ZSWIM6: variants seen among roughly 807,000 people sequenced by gnomAD.
ZSWIM6 encodes zinc finger SWIM domain-containing protein 6.
ZSWIM6 carries 9 observed loss-of-function variants against 113.2 expected under a neutral mutation model. That is an observed-to-expected ratio of 0.08 (90% CI 0.05 to 0.14). The LOEUF is 0.14. ZSWIM6 is among the 10% of genes least tolerant of loss of function. The probability of loss-of-function intolerance (pLI) is 1.00; values close to 1 mark genes in which losing one functional copy is unlikely to be tolerated. For synonymous variants in ZSWIM6, 611 were observed against 606.5 expected (o/e 1.01, Z -0.11); for missense variants, 1,162 against 1,552.2 (o/e 0.75, Z 4.22).
intron 1 of ZSWIM6, among the ~76,000 whole-genome samples, chr5:61,348,003 C>T (rs977783771): frequency 9.9e-5 from 15 of 152,210 alleles, no homozygotes; most frequent in East Asian, 5.8e-4. Context: ...GGGTGGATCA[C>T]GAGGTTAGGA....
intron 4 of ZSWIM6, among the ~76,000 whole-genome samples, chr5:61,495,529 T>G (rs554782577): frequency 6.6e-6 from 1 of 152,298 alleles, no homozygotes; most frequent in Non-Finnish European, 1.5e-5. Context: ...GCAATTTTCT[T>G]AAGTATCTTG....
intron 1 of ZSWIM6, chr5:61,375,924 T>C (rs1266808610): frequency 4.3e-6 from 3 of 695,844 alleles, no homozygotes; most frequent in East Asian, 5.5e-5. Flanking sequence ...CTGTGAAAAC[T>C]ACAACATATT....
intron 4 of ZSWIM6, among the ~76,000 whole-genome samples, chr5:61,514,142 G>C (rs745905115): frequency 2.0e-5 from 3 of 152,050 alleles, no homozygotes; most frequent in African/African-American, 7.2e-5. Flanking sequence ...CATAGAGACT[G>C]CACATGTTTT....
At chr5:61,465,717 A>G (rs1193007088) in intron 1 of ZSWIM6, among the ~76,000 whole-genome samples, 2 of 152,148 alleles carry the variant, frequency 1.3e-5, no homozygotes, top group Non-Finnish European at 2.9e-5. Flanking sequence ...TTTGTATGGT[A>G]TGCTGTGGTT....
At chr5:61,469,854 C>T (rs1747526766) in intron 1 of ZSWIM6, among the ~76,000 whole-genome samples, 1 of 152,158 alleles carries the variant, frequency 6.6e-6, no homozygotes, top group African/African-American at 2.4e-5. Flanking sequence ...ACTACAAATG[C>T]CTGCCCCCAT....
intron 5 of ZSWIM6, among the ~76,000 whole-genome samples, chr5:61,523,850 C>T (rs1393560144): frequency 1.3e-5 from 2 of 152,090 alleles, no homozygotes; most frequent in African/African-American, 4.8e-5. Flanking sequence ...ATGTTAAAAG[C>T]CTAGTGTGTG....
intron 6 of ZSWIM6, 109 bp from the exon 7 acceptor site, chr5:61,526,141 T>A: frequency 1.4e-6 from 2 of 1,434,996 alleles, no homozygotes; most frequent in Non-Finnish European, 1.9e-6. Context: ...CAGGAATGGT[T>A]TCTTGTGTCT....
intron 1 of ZSWIM6, among the ~76,000 whole-genome samples, chr5:61,346,536 T>C (rs944689889): frequency 2.0e-5 from 3 of 152,224 alleles, no homozygotes; most frequent in Non-Finnish European, 2.9e-5. Flanking sequence ...TGGATGTTAG[T>C]GGGTAAGAGA....
chr5:61,373,620 A>G lies in ZSWIM6; in HGVS notation c.676+40672A>G, dbSNP rs187462492. 3.5e-3 allele frequency among the ~76,000 whole-genome samples: 534 copies of G among 152,100 alleles called. 3 individuals carry two copies. The highest frequency in any genetic ancestry group is 6.0e-3 in the Non-Finnish European group (405 of 67,976). ...ACTGTGCAAATAAACTATCTTCTACATTGTTACCAAATGATCTTTAAAAAT... is the reference window on the plus strand; with the variant it reads ...ACTGTGCAAATAAACTATCTTCTACGTTGTTACCAAATGATCTTTAAAAAT... On this transcript the variant is annotated intron_variant, in intron 1 of 13. Transcript: ENST00000252744.
intron 1 of ZSWIM6, among the ~76,000 whole-genome samples, chr5:61,465,157 G>C (rs1012499557): frequency 6.6e-6 from 1 of 152,178 alleles, no homozygotes; most frequent in Non-Finnish European, 1.5e-5. Context: ...ATGTTTAAAA[G>C]ATTGGGGCAA....
chr5:61,540,937 TG>T (rs67624147), intron 12 of ZSWIM6, among the ~76,000 whole-genome samples: 1,975 of 115,978 alleles, frequency 0.017, 8 homozygotes, highest in African/African-American at 0.032. Flanking sequence ...TTTTTTTTTT[TG>T]TTGTTGTTGT....
intron 1 of ZSWIM6, among the ~76,000 whole-genome samples, chr5:61,426,889 T>C (rs1380977993): frequency 6.6e-6 from 1 of 152,016 alleles, no homozygotes; most frequent in Non-Finnish European, 1.5e-5. Context: ...TGTGTCCTTC[T>C]CAGGGTATCA....
At chr5:61,396,412 G>T (rs149379933) in intron 1 of ZSWIM6, among the ~76,000 whole-genome samples, 7 of 151,570 alleles carry the variant, frequency 4.6e-5, no homozygotes, top group African/African-American at 1.7e-4. Context: ...CACACCTGTA[G>T]TCCCAGCTAC....
chr5:61,502,091 T>A (rs1353301240), intron 4 of ZSWIM6, among the ~76,000 whole-genome samples: 2 of 152,004 alleles, frequency 1.3e-5, no homozygotes, highest in Admixed American at 1.3e-4. Flanking sequence ...GGAAGAAAAT[T>A]TCCTTTCACC....
chr5:61,452,066 C>A (rs192806535), intron 1 of ZSWIM6, among the ~76,000 whole-genome samples: 1 of 152,066 alleles, frequency 6.6e-6, no homozygotes, highest in Non-Finnish European at 1.5e-5. Flanking sequence ...CTCTCAGATA[C>A]CTTTACTTCA....
At chr5:61,516,203 ATTTGTTT>A (rs907525376) in intron 4 of ZSWIM6, among the ~76,000 whole-genome samples, 2 of 151,124 alleles carry the variant, frequency 1.3e-5, no homozygotes, top group Non-Finnish European at 3.0e-5. Flanking sequence ...CCATTTAATC[ATTTGTTT>A]TTTGTTTATC....
At chr5:61,346,520 G>A (rs6449528) in intron 1 of ZSWIM6, among the ~76,000 whole-genome samples, 89,471 of 152,100 alleles carry the variant, frequency 0.59, 28,948 homozygotes, top group African/African-American at 0.86. Flanking sequence ...GAACATTGTA[G>A]AGTACTGGAT....
At chr5:61,356,194 GTTC>G (rs1744903807) in intron 1 of ZSWIM6, among the ~76,000 whole-genome samples, 1 of 152,184 alleles carries the variant, frequency 6.6e-6, no homozygotes, top group Admixed American at 6.5e-5. Context: ...CCGAACTCGG[GTTC>G]AAGTGATCTT....
intron 12 of ZSWIM6, among the ~76,000 whole-genome samples, chr5:61,540,916 GTTTTTT>G (rs34749703): frequency 2.1e-5 from 2 of 94,590 alleles, no homozygotes; most frequent in African/African-American, 5.2e-5. Context: ...TATTTTGTGG[GTTTTTT>G]TTTTTTTTTT....
Sources: allele counts gnomAD v4.1 joint callset (sites outside exome capture counted in the v4.1 genomes callset), GRCh38; gene constraint gnomAD v4.1.1; transcripts MANE v1.5; gene names NCBI Gene and HGNC (gene_info 2026-07-23, HGNC 2026-07-21).